IDE: variants seen among roughly 807,000 people sequenced by gnomAD.
IDE encodes insulin-degrading enzyme.
Under a neutral mutation model 133.2 loss-of-function variants are expected in IDE, and 58 were observed. That is an observed-to-expected ratio of 0.44 (90% CI 0.35 to 0.54). The LOEUF (loss-of-function observed/expected upper bound fraction) is 0.54. Ranked by LOEUF, IDE falls within the 20% of genes least tolerant of loss-of-function variation. The probability of loss-of-function intolerance (pLI) is 0.00; values close to 1 mark genes in which losing one functional copy is unlikely to be tolerated. For missense variants in IDE, 981 were observed against 1,234.0 expected (o/e 0.79, Z 3.07); for synonymous variants, 396 against 421.3 (o/e 0.94, Z 0.73).
At chr10:92,487,441 C>T (rs943013297) in intron 12 of IDE, 123 bp from the exon 13 acceptor site, 28 of 848,772 alleles carry the variant, frequency 3.3e-5, no homozygotes, top group Non-Finnish European at 4.8e-5. Flanking sequence ...TGTTTTCCAT[C>T]ATATATAAAA....
At position 92,573,062 on chromosome 10, in the gene IDE, G is replaced by T. The variant is rs1843866651; in HGVS notation, c.98+860C>A. The T allele has an allele frequency of 1.3e-5, 13 of 985,392 alleles. No individual in the cohort carries two copies. In the South Asian group the frequency reaches 4.7e-4, roughly 36 times the overall value. 61.0% of individuals were successfully genotyped at this position (985,392 alleles called of 1,614,324 possible). ...GCTATTACTGATTAAAACCAGCAGG[G>T]GTTCAAATAACGTTTCTAGGGAGGG... On this transcript the variant is annotated intron_variant, in intron 1 of 24. Transcript: ENST00000265986.
intron 17 of IDE, 26 bp downstream of exon 17, chr10:92,474,815 A>G: frequency 6.3e-7 from 1 of 1,588,926 alleles, no homozygotes; most frequent in Non-Finnish European, 8.5e-7. Flanking sequence ...TGAAGAAAGC[A>G]TTAAGCTTTA....
At chr10:92,463,228 A>G (rs1845492488) in intron 21 of IDE, among the ~76,000 whole-genome samples, 1 of 152,214 alleles carries the variant, frequency 6.6e-6, no homozygotes, top group African/African-American at 2.4e-5. Flanking sequence ...TCTAGAAGCA[A>G]GGTGAAAGGA....
At chr10:92,514,269 A>G (rs1389196782) in intron 5 of IDE, among the ~76,000 whole-genome samples, 1 of 152,210 alleles carries the variant, frequency 6.6e-6, no homozygotes, top group Non-Finnish European at 1.5e-5. Flanking sequence ...CTTCAAAACA[A>G]AACTGTGATA....
At chr10:92,533,711 T>A in intron 3 of IDE, among the ~76,000 whole-genome samples, 1 of 123,564 alleles carries the variant, frequency 8.1e-6, no homozygotes, top group African/African-American at 3.1e-5. Flanking sequence ...TATAAAAAAT[T>A]GACCAAAAAA....
intron 1 of IDE, among the ~76,000 whole-genome samples, chr10:92,556,460 A>C (rs1843014903): frequency 6.6e-6 from 1 of 151,028 alleles, no homozygotes; most frequent in Non-Finnish European, 1.5e-5. Context: ...CTGTCTCTAC[A>C]AAAAATACGA....
At chr10:92,524,378 TATATA>T (rs1467936716) in intron 4 of IDE, among the ~76,000 whole-genome samples, 2 of 95,542 alleles carry the variant, frequency 2.1e-5, no homozygotes, top group African/African-American at 8.4e-5. Context: ...ATATATATTA[TATATA>T]ATATATTTTA....
At chr10:92,461,423 C>T (rs1452216162) in intron 21 of IDE, among the ~76,000 whole-genome samples, 171 bp from the exon 22 acceptor site, 2 of 152,054 alleles carry the variant, frequency 1.3e-5, no homozygotes, top group African/African-American at 2.4e-5. Context: ...GGCTCGATCT[C>T]GGCTCACTGC....
rs574099030 is a variant in IDE at position 92,536,778 on chromosome 10, G to A, written c.283+588C>T. Among the ~76,000 whole-genome samples, 17 of 151,814 alleles carry A rather than the reference G, an allele frequency of 1.1e-4. No homozygotes were observed. In the South Asian group the frequency reaches 3.3e-3, roughly 30 times the overall value. ...TATTAGGCCAGGCACGGTGGCTCAC[G>A]CCTGTAATCCCAGCACTTTGGGAGG... On this transcript the variant is annotated intron_variant, in intron 2 of 24. Transcript: ENST00000265986.
intron 22 of IDE, among the ~76,000 whole-genome samples, chr10:92,459,006 C>T (rs563179052): frequency 6.6e-6 from 1 of 152,232 alleles, no homozygotes; most frequent in Admixed American, 6.5e-5. Context: ...ATCACTTGTC[C>T]AGCCATCCAT....
chr10:92,518,322 A>C (rs959701312), intron 4 of IDE, among the ~76,000 whole-genome samples: 9 of 152,104 alleles, frequency 5.9e-5, no homozygotes, highest in Admixed American at 2.0e-4. Context: ...AAGTTACTTT[A>C]CTTCTCTGTG....
intron 20 of IDE, 78 bp from the exon 21 acceptor site, chr10:92,464,081 GT>G: frequency 7.2e-7 from 1 of 1,396,072 alleles, no homozygotes; most frequent in Non-Finnish European, 9.8e-7. Context: ...AAACTAACCT[GT>G]CTGAGCAAAT....
At chr10:92,535,273 C>T (rs7898114) in intron 2 of IDE, among the ~76,000 whole-genome samples, 15,522 of 152,026 alleles carry the variant, frequency 0.1, 918 homozygotes, top group South Asian at 0.17. Context: ...CCAGCTAATT[C>T]TTTGTATTTT....
At chr10:92,571,836 CTG>C (rs1843801781) in intron 1 of IDE, among the ~76,000 whole-genome samples, 2 of 152,236 alleles carry the variant, frequency 1.3e-5, no homozygotes, top group African/African-American at 4.8e-5. Flanking sequence ...CAGCAAATAG[CTG>C]TGTGGCTATC....
Position 92,463,766 on chromosome 10 carries a change from C to G in IDE, c.2726G>C (p.Gly909Ala). ...ATTATATTGCTGGGAGATGATTTCT[C>G]CCCAGTATTTAGCACACTCAGCAGA... Reference protein sequence around the residue: ...KLSAECAKYWGEIISQQYNFD... With the variant: ...KLSAECAKYWAEIISQQYNFD... Residue 909 changes from glycine (G) to alanine (A), a missense_variant, in exon 21 of 25, where the codon GGA (glycine) becomes GCA (alanine). By Grantham distance (60) the Gly-to-Ala change is moderately conservative. Transcript: ENST00000265986. The G allele has an allele frequency of 6.2e-7, 1 of 1,614,126 alleles. No individual in the cohort carries two copies. Among genetic ancestry groups the G allele is most frequent in the Non-Finnish European group, 8.5e-7 (1 of 1,179,974 alleles).
intron 20 of IDE, among the ~76,000 whole-genome samples, chr10:92,465,228 T>C (rs1845614361): frequency 6.6e-6 from 1 of 152,182 alleles, no homozygotes; most frequent in Non-Finnish European, 1.5e-5. Flanking sequence ...AATCTGCCAG[T>C]ACCTCAAGAC....
chr10:92,526,199 T>C (rs1234835693), intron 4 of IDE, among the ~76,000 whole-genome samples: 3 of 149,154 alleles, frequency 2.0e-5, no homozygotes, highest in Non-Finnish European at 4.5e-5. Flanking sequence ...ATGAAAACTA[T>C]AAAATACTAA....
chr10:92,569,122 G>T (rs1843679704), intron 1 of IDE, among the ~76,000 whole-genome samples: 1 of 152,174 alleles, frequency 6.6e-6, no homozygotes, highest in Admixed American at 6.5e-5. Context: ...GGCCTAAAAA[G>T]AATAAAGGAT....
intron 11 of IDE, among the ~76,000 whole-genome samples, chr10:92,503,561 G>A (rs1245186693): frequency 6.6e-6 from 1 of 152,042 alleles, no homozygotes; most frequent in Non-Finnish European, 1.5e-5. Flanking sequence ...AAGCCCACCT[G>A]AACATTAGAA....
Sources: gnomAD v4.1 joint callset for allele counts (sites outside exome capture counted in the v4.1 genomes callset) on GRCh38, gnomAD v4.1.1 for gene constraint, MANE v1.5 for transcripts, NCBI Gene and HGNC (gene_info 2026-07-23, HGNC 2026-07-21) for gene names.